KDM4C: variants seen among roughly 807,000 people sequenced by gnomAD.
The protein encoded by KDM4C is lysine demethylase 4C.
KDM4C carries 81 observed loss-of-function variants against 129.3 expected under a neutral mutation model. That is an observed-to-expected ratio of 0.63 (90% CI 0.52 to 0.75). The LOEUF (loss-of-function observed/expected upper bound fraction) is 0.75, where lower values mean the gene tolerates loss of function less well. Among genes scored for constraint, KDM4C ranks in the 30% least tolerant of loss-of-function variants. KDM4C has a pLI of 0.00. For synonymous variants in KDM4C, 573 were observed against 456.1 expected (o/e 1.26, Z -3.26); for missense variants, 1,457 against 1,304.0 (o/e 1.12, Z -1.81).
chr9:7,004,955 G>T (rs1563968154), intron 12 of KDM4C, among the ~76,000 whole-genome samples: 1 of 152,198 alleles, frequency 6.6e-6, no homozygotes, highest in Non-Finnish European at 1.5e-5. Flanking sequence ...TGCTTTGCCA[G>T]TTCTACTGAG....
intron 2 of KDM4C, among the ~76,000 whole-genome samples, chr9:6,799,628 C>T (rs563212964): frequency 5.5e-5 from 8 of 144,466 alleles, no homozygotes; most frequent in South Asian, 2.1e-4. Context: ...CGGGAGAGGG[C>T]TCTTTTTTCT....
intron 15 of KDM4C, 123 bp downstream of exon 15, chr9:7,016,052 G>A (rs951079495): frequency 9.3e-6 from 5 of 535,730 alleles, no homozygotes; most frequent in East Asian, 6.4e-5. Context: ...GCACTTCCTT[G>A]TGTTTCTAGT....
intron 15 of KDM4C, among the ~76,000 whole-genome samples, chr9:7,029,521 G>A (rs1222452462): frequency 6.6e-6 from 1 of 151,596 alleles, no homozygotes; most frequent in East Asian, 1.9e-4. Flanking sequence ...AGTAATAGGA[G>A]AATTTTTTGT....
At chr9:6,960,508 C>T (rs1829854606) in intron 8 of KDM4C, among the ~76,000 whole-genome samples, 1 of 152,032 alleles carries the variant, frequency 6.6e-6, no homozygotes, top group Non-Finnish European at 1.5e-5. Context: ...GTCCTCCTAC[C>T]TCGGCCTTCC....
Position 6,817,338 on chromosome 9 carries a change from A to G in KDM4C, c.435+2593A>G, listed in dbSNP as rs184318691. ...TGCCTCCACCTCCTATGTAGCTGGG[A>G]CTACCTGCAGGCGCCACCATGCCTA... is the stretch of plus-strand genomic sequence containing the variant. On this transcript the variant is annotated intron_variant, in intron 4 of 21. Coordinates refer to ENST00000381309, the MANE Select transcript of KDM4C (RefSeq NM_015061.6). Among the ~76,000 whole-genome samples, 847 of 151,684 alleles carry G rather than the reference A, an allele frequency of 5.6e-3. 3 individuals are homozygous for G. The highest frequency in any genetic ancestry group is 9.3e-3 in the Non-Finnish European group (632 of 67,906).
chr9:7,073,426 C>A (rs1201043688), intron 17 of KDM4C, among the ~76,000 whole-genome samples: 1 of 152,202 alleles, frequency 6.6e-6, no homozygotes, highest in Non-Finnish European at 1.5e-5. Flanking sequence ...AGTTGAAGAG[C>A]TGTGTAAATC....
In KDM4C at chr9:6,868,775, A is replaced by G. The variant is rs368426276; in HGVS notation, c.630-11237A>G. ...TGTGGAGGGCTGACTGTACTAGAAAAGTCGCTTTACTACTGCATGTATTAT... is the reference window on the plus strand; with the variant it reads ...TGTGGAGGGCTGACTGTACTAGAAAGGTCGCTTTACTACTGCATGTATTAT... On this transcript the variant is annotated intron_variant, in intron 5 of 21. Coordinates refer to ENST00000381309, the MANE Select transcript of KDM4C (RefSeq NM_015061.6). Among the ~76,000 whole-genome samples, 110 of 152,050 alleles carry G rather than the reference A, an allele frequency of 7.2e-4. 1 individual carries two copies. The South Asian group carries it at 8.6e-3, about 12-fold the overall frequency.
chr9:7,133,491 A>G (rs1840862495), intron 19 of KDM4C, among the ~76,000 whole-genome samples: 1 of 152,206 alleles, frequency 6.6e-6, no homozygotes, highest in South Asian at 2.1e-4. Context: ...TTCTGTAACA[A>G]ACCCTGCTCC....
chr9:7,043,352 T>G (rs1828898641), intron 15 of KDM4C, among the ~76,000 whole-genome samples: 1 of 152,056 alleles, frequency 6.6e-6, no homozygotes, highest in African/African-American at 2.4e-5. Flanking sequence ...ACAATTACTG[T>G]TTTGTGTAGT....
intron 19 of KDM4C, 146 bp downstream of exon 19, chr9:7,128,382 G>A: frequency 1.8e-6 from 1 of 556,330 alleles, no homozygotes; most frequent in Non-Finnish European, 2.9e-6. Flanking sequence ...ATAATATCCA[G>A]GTGAACTTAG....
At chr9:6,865,166 A>T (rs7045781) in intron 5 of KDM4C, among the ~76,000 whole-genome samples, 2,164 of 151,460 alleles carry the variant, frequency 0.014, 56 homozygotes, top group African/African-American at 0.049. Flanking sequence ...CCGCCACCAC[A>T]CCTGGCTAAT....
chr9:6,857,031 T>G (rs1236802458), intron 5 of KDM4C, among the ~76,000 whole-genome samples: 1 of 152,174 alleles, frequency 6.6e-6, no homozygotes, highest in Non-Finnish European at 1.5e-5. Context: ...TTTTTGTATT[T>G]TTGTAGAGAT....
intron 1 of KDM4C, among the ~76,000 whole-genome samples, chr9:6,789,045 TG>T (rs937815886): frequency 3.3e-5 from 5 of 150,940 alleles, no homozygotes; most frequent in African/African-American, 7.3e-5. Context: ...TCCAGATTTT[TG>T]TTTTTTTTTT....
Position 6,944,652 on chromosome 9 carries a change from G to GTTTTTTGTT in KDM4C, c.922-36267_922-36266insGTTTTTTTT, listed in dbSNP as rs1826559628. ...CAACACACTTTTTGTCAAGGTAGAG[G>GTTTTTTGTT]TTTTTTTTTTTTTTTTTTTTTTGCC... On this transcript the variant is annotated intron_variant, in intron 8 of 21. Coordinates refer to ENST00000381309, the MANE Select transcript of KDM4C (RefSeq NM_015061.6). Among the ~76,000 whole-genome samples the GTTTTTTGTT allele has an allele frequency of 4.9e-5, 4 of 80,990 alleles. 1 individual carries two copies. Among genetic ancestry groups the GTTTTTTGTT allele is most frequent in the Non-Finnish European group, 8.9e-5 (4 of 44,876 alleles). The allele number at this position is 80,990 out of a possible 152,430, so 53.1% of individuals were successfully genotyped here.
At chr9:7,028,491 C>T (rs1009167206) in intron 15 of KDM4C, among the ~76,000 whole-genome samples, 2 of 151,536 alleles carry the variant, frequency 1.3e-5, no homozygotes, top group Admixed American at 6.6e-5. Flanking sequence ...ACTCTCTCTT[C>T]TCCTCTCCTC....
At chr9:7,006,487 G>C (rs1775564947) in intron 12 of KDM4C, among the ~76,000 whole-genome samples, 1 of 152,092 alleles carries the variant, frequency 6.6e-6, no homozygotes, top group Non-Finnish European at 1.5e-5. Context: ...GTCCTGAGGA[G>C]TGGGCGGTGT....
intron 14 of KDM4C, among the ~76,000 whole-genome samples, chr9:7,015,568 A>G (rs887124714): frequency 2.0e-5 from 3 of 152,296 alleles, no homozygotes; most frequent in Admixed American, 1.3e-4. Flanking sequence ...ACTTTGCCCC[A>G]TGGATTGCAA....
At chr9:6,966,397 C>G (rs1319096740) in intron 8 of KDM4C, among the ~76,000 whole-genome samples, 3 of 152,064 alleles carry the variant, frequency 2.0e-5, no homozygotes, top group Non-Finnish European at 2.9e-5. Flanking sequence ...GTCTTGATCT[C>G]CTGACCTCGT....
At chr9:7,048,286 A>C (rs1587238764) in intron 16 of KDM4C, among the ~76,000 whole-genome samples, 1 of 152,104 alleles carries the variant, frequency 6.6e-6, no homozygotes, top group African/African-American at 2.4e-5. Flanking sequence ...GGTGGGATCG[A>C]TACTTGTTCT....
Sources: gnomAD v4.1 joint callset for allele counts (sites outside exome capture counted in the v4.1 genomes callset) on GRCh38, gnomAD v4.1.1 for gene constraint, MANE v1.5 for transcripts, NCBI Gene and HGNC (gene_info 2026-07-23, HGNC 2026-07-21) for gene names.